The following GALNT8 variants were observed in gnomAD, a reference collection of about 807,000 sequenced individuals.
GALNT8 encodes the protein polypeptide N-acetylgalactosaminyltransferase 8.
In GALNT8, 66 loss-of-function variants were observed where a neutral mutation model predicts 62.7. That is an observed-to-expected ratio of 1.05 (90% CI 0.86 to 1.29). The LOEUF (loss-of-function observed/expected upper bound fraction) is 1.29. Among genes scored for constraint, GALNT8 ranks in the 50% most tolerant of loss-of-function variants. The probability of loss-of-function intolerance (pLI) is 0.00; values close to 1 mark genes in which losing one functional copy is unlikely to be tolerated. For missense variants in GALNT8, 771 were observed against 791.8 expected, an observed-to-expected ratio of 0.97 and a Z score of 0.32; for synonymous variants, 288 against 294.3, an observed-to-expected ratio of 0.98 and a Z score of 0.22.
intron 6 of GALNT8, among the ~76,000 whole-genome samples, chr12:4,757,277 G>C (rs1412415776): frequency 6.6e-6 from 1 of 152,192 alleles, no homozygotes; most frequent in East Asian, 1.9e-4. Flanking sequence ...GAAATGAAGA[G>C]AAGCATTTTG....
chr12:4,758,629 T>TGA (rs1946356115), intron 6 of GALNT8, among the ~76,000 whole-genome samples: 2 of 104,490 alleles, frequency 1.9e-5, no homozygotes, highest in African/African-American at 6.9e-5. Context: ...TGTGTGTGTG[T>TGA]GTGTGTGTGA....
intron 6 of GALNT8, among the ~76,000 whole-genome samples, chr12:4,756,108 CAG>C (rs1946343678): frequency 6.6e-6 from 1 of 152,194 alleles, no homozygotes; most frequent in African/African-American, 2.4e-5. Context: ...TTTCATGAAT[CAG>C]AATCAATTTA....
intron 2 of GALNT8, among the ~76,000 whole-genome samples, chr12:4,728,282 T>C (rs778552177): frequency 1.3e-5 from 2 of 152,040 alleles, no homozygotes; most frequent in East Asian, 3.9e-4. Context: ...ATCAGAAATA[T>C]CACTTGTTAA....
intron 3 of GALNT8, among the ~76,000 whole-genome samples, chr12:4,741,027 G>A (rs1946269853): frequency 6.6e-6 from 1 of 152,180 alleles, no homozygotes; most frequent in Admixed American, 6.5e-5. Context: ...GTAGAATTAA[G>A]TTACAAAAAC....
At chr12:4,725,833 C>T (rs974601518) in intron 1 of GALNT8, among the ~76,000 whole-genome samples, 7 of 152,282 alleles carry the variant, frequency 4.6e-5, no homozygotes, top group East Asian at 1.9e-4. Flanking sequence ...GGATTACAGG[C>T]GTGAGCCACC....
chr12:4,763,152 TCA>T, intron 7 of GALNT8, 99 bp from the exon 8 acceptor site: 1 of 933,700 alleles, frequency 1.1e-6, no homozygotes, highest in Non-Finnish European at 1.7e-6. Flanking sequence ...CCACAAGGAC[TCA>T]CATGCAGAAA....
intron 1 of GALNT8, among the ~76,000 whole-genome samples, chr12:4,722,032 TCGACACAG>T (rs1456885236): frequency 6.6e-6 from 1 of 152,144 alleles, no homozygotes; most frequent in Non-Finnish European, 1.5e-5. Context: ...TAACCCTGAG[TCGACACAG>T]CACATGTTTC....
In GALNT8 at chr12:4,746,201, G is replaced by C. The variant is rs147314947; in HGVS notation, c.1116G>C (p.Gly372=). ...ACAGGCACTTCCTGGGAGAGATCGG[G>C]TCTCTGGATGGTGGAATGCTCATCT... ...AANRHFLGEI[G]SLDGGMLIYG... Residue 372 remains glycine (G), a synonymous_variant, in exon 6 of 11, where the codon GGG becomes GGC. Coordinates refer to ENST00000252318, the MANE Select transcript of GALNT8 (RefSeq NM_017417.2). 7.4e-6 allele frequency: 12 copies of C among 1,613,464 alleles called. No individual in the cohort carries two copies. Among genetic ancestry groups the C allele is most frequent in the Non-Finnish European group, 9.3e-6 (11 of 1,179,520 alleles).
chr12:4,765,576 G>GTTTGT lies in GALNT8; in HGVS notation c.1761+50_1761+54dup, dbSNP rs540537003. On this transcript the variant is annotated intron_variant, in intron 10 of 10. Transcript: ENST00000252318. ...GTTATGTGTTTTTGTTTGTTGGTTT[G>GTTTGT]TTTGTTTTGTTTTGTTTTGTTTTGA... The GTTTGT allele has an allele frequency of 3.9e-5, 60 of 1,554,686 alleles. 1 individual carries two copies. Among genetic ancestry groups the GTTTGT allele is most frequent in the South Asian group, 2.2e-4 (19 of 86,622 alleles).
intron 6 of GALNT8, among the ~76,000 whole-genome samples, chr12:4,753,971 G>C (rs919124310): frequency 6.6e-6 from 1 of 152,140 alleles, no homozygotes. Flanking sequence ...GATAAGATCC[G>C]GGAGAATCCT....
At position 4,720,418 on chromosome 12, in the gene GALNT8, C is replaced by G; in HGVS notation, c.-260C>G. On this transcript the variant is annotated 5_prime_UTR_variant, in exon 1 of 11. Coordinates refer to ENST00000252318, the MANE Select transcript of GALNT8 (RefSeq NM_017417.2). ...AGGGAGTGTTATCTCCCTGAGCAAC[C>G]TGTGGAAAGCCGCTGAGCAACCTGT... 1 of 493,020 alleles carries G rather than the reference C, an allele frequency of 2.0e-6. No homozygotes were observed. Among genetic ancestry groups the G allele is most frequent in the Non-Finnish European group, 3.7e-6 (1 of 271,488 alleles). The allele number at this position is 493,020 out of a possible 1,614,324, so 30.5% of individuals were successfully genotyped here. A position where few individuals can be genotyped will look rare whatever the true frequency, so the allele number is the denominator to read the frequency against.
At chr12:4,729,311 A>G (rs1189878390) in intron 2 of GALNT8, among the ~76,000 whole-genome samples, 1 of 152,182 alleles carries the variant, frequency 6.6e-6, no homozygotes, top group Non-Finnish European at 1.5e-5. Flanking sequence ...GCAATTTTCA[A>G]GAATACCACA....
intron 6 of GALNT8, 37 bp downstream of exon 6, chr12:4,746,295 G>A (rs372424740): frequency 3.3e-4 from 370 of 1,133,648 alleles, no homozygotes; most frequent in Non-Finnish European, 4.5e-4. Context: ...GGACAAAGCA[G>A]AAAGGGGAAT....
In GALNT8 at chr12:4,726,432, G is replaced by T; in HGVS notation, c.212-100G>T. On this transcript the variant is annotated intron_variant, in intron 1 of 10. Transcript: ENST00000252318. This position sits in a 1 kb window ranked among gnomAD's most constrained non-coding sequence, Gnocchi z 4.1. ...GAGCTTATAAGTTTTAAGATGTAGT[G>T]GGTAAACCGTTAGAGGAAATTAGGA... 2.5e-6 allele frequency: 2 copies of T among 786,588 alleles called. No homozygotes were observed. Among genetic ancestry groups the T allele is most frequent in the Non-Finnish European group, 4.1e-6 (2 of 486,894 alleles). 48.7% of individuals were successfully genotyped at this position (786,588 alleles called of 1,614,324 possible).
chr12:4,732,395 T>G (rs919627441), intron 2 of GALNT8, among the ~76,000 whole-genome samples: 1 of 150,480 alleles, frequency 6.6e-6, no homozygotes, highest in South Asian at 2.1e-4. Context: ...CAACAAACAC[T>G]TTTTCAGTAT....
chr12:4,736,620 A>G (rs1336048684), intron 2 of GALNT8, among the ~76,000 whole-genome samples: 1 of 152,184 alleles, frequency 6.6e-6, no homozygotes, highest in African/African-American at 2.4e-5. Flanking sequence ...GATCAAGATC[A>G]TGAGCATTAA....
intron 3 of GALNT8, among the ~76,000 whole-genome samples, chr12:4,744,009 C>T (rs959046349): frequency 2.6e-5 from 4 of 152,212 alleles, no homozygotes; most frequent in Admixed American, 2.6e-4. Context: ...AATTTACTAG[C>T]TAGAAGCTGG....
At chr12:4,770,905 AAG>A (rs1375100150) in intron 10 of GALNT8, among the ~76,000 whole-genome samples, 1 of 152,192 alleles carries the variant, frequency 6.6e-6, no homozygotes, top group South Asian at 2.1e-4. Context: ...GGAATCTGCA[AAG>A]AGGGAGAAAT....
intron 3 of GALNT8, among the ~76,000 whole-genome samples, chr12:4,739,821 C>T (rs954603288): frequency 6.6e-6 from 1 of 151,886 alleles, no homozygotes; most frequent in African/African-American, 2.4e-5. Context: ...CCTACCACCT[C>T]ACCCAGCTTA....
Sources: allele counts gnomAD v4.1 joint callset (sites outside exome capture counted in the v4.1 genomes callset), GRCh38; gene constraint gnomAD v4.1.1; non-coding constraint Gnocchi (gnomAD v3.1); transcripts MANE v1.5; gene names NCBI Gene and HGNC (gene_info 2026-07-23, HGNC 2026-07-21).